MYO7B: variants seen among roughly 807,000 people sequenced by gnomAD.
The protein encoded by MYO7B is myosin VIIB, also known as unconventional myosin-VIIb.
A neutral mutation model predicts 259.7 loss-of-function variants in MYO7B; 212 were observed. The ratio of observed to expected loss-of-function variants is 0.82; its 90% CI spans 0.73 to 0.91. MYO7B has a LOEUF of 0.91. Among genes scored for constraint, MYO7B ranks in the 40% least tolerant of loss-of-function variants. The pLI, the probability that MYO7B is intolerant of heterozygous loss-of-function variation, is 0.00. For missense variants in MYO7B, 2,732 were observed against 2,813.5 expected (o/e 0.97, Z 0.66); for synonymous variants, 1,197 against 1,166.4 (o/e 1.03, Z -0.54).
chr2:127,630,639 G>A (rs1192471734), intron 35 of MYO7B, 139 bp from the exon 36 acceptor site: 6 of 1,162,588 alleles, frequency 5.2e-6, no homozygotes, highest in South Asian at 3.1e-5. Flanking sequence ...AGGTGACAGG[G>A]GTGTGGGTAA....
At position 127,607,351 on chromosome 2, in the gene MYO7B, G is replaced by A. The variant is rs1680196140; in HGVS notation, c.2570G>A (p.Arg857Lys). The change falls in exon 21 of 48, where the codon AGG becomes AAG. Residue 857 changes from arginine to lysine, a missense_variant. By Grantham distance (26) the Arg-to-Lys change is conservative (BLOSUM62 2). Around this residue, in one of 3 missense-constraint regions of MYO7B, gnomAD observed 1,906 missense variants for 2,026.4 expected, o/e 0.94. Transcript: ENST00000409816. The surrounding 1 kb of genome is among the most constrained non-coding windows in gnomAD (Gnocchi z 4.4). ...CGCCAGCAAGTCCAGGCCAAGAGGAGGGCAGTGGTGGTCATTCAGGCCCAT... is the reference window on the plus strand; with the variant it reads ...CGCCAGCAAGTCCAGGCCAAGAGGAAGGCAGTGGTGGTCATTCAGGCCCAT... The part of the protein sequence containing the change: ...LVRQQVQAKR[R>K]AVVVIQAHAR... 2 of 1,551,502 alleles carry A rather than the reference G, an allele frequency of 1.3e-6. No individual in the cohort carries two copies. Among genetic ancestry groups the A allele is most frequent in the East Asian group, 2.4e-5 (1 of 40,930 alleles).
chr2:127,634,708 G>A (rs747873299), intron 42 of MYO7B, 25 bp downstream of exon 42: 4 of 1,594,048 alleles, frequency 2.5e-6, no homozygotes, highest in South Asian at 1.1e-5. Flanking sequence ...GTGGAGCTGG[G>A]GGAGGGCGTG....
intron 1 of MYO7B, among the ~76,000 whole-genome samples, chr2:127,547,442 A>G (rs1249084116): frequency 6.6e-6 from 1 of 152,254 alleles, no homozygotes; most frequent in Non-Finnish European, 1.5e-5. Context: ...GATCAAGTAC[A>G]GACACACTGA....
At position 127,573,955 on chromosome 2, in the gene MYO7B, T is replaced by A. The variant is rs747218176; in HGVS notation, c.628T>A (p.Ser210Thr). The A allele has an allele frequency of 2.5e-6, 4 of 1,614,028 alleles. No homozygotes were observed. Among genetic ancestry groups the A allele is most frequent in the Non-Finnish European group, 3.4e-6 (4 of 1,179,894 alleles). ...GNAKTIRNDN[S>T]SRFGKYIDIY... ...TGCCAAGACAATCCGCAACGACAAC[T>A]CAAGCCGCTTTGGGAAGTACATTGA... Residue 210 changes from serine (S) to threonine (T), a missense_variant, in exon 7 of 48, where the codon TCA becomes ACA. Coordinates refer to ENST00000409816, the MANE Select transcript of MYO7B (RefSeq NM_001393586.1).
At chr2:127,545,904 A>G (rs1433167442) in intron 1 of MYO7B, among the ~76,000 whole-genome samples, 2 of 152,166 alleles carry the variant, frequency 1.3e-5, no homozygotes, top group African/African-American at 2.4e-5. Context: ...CTGGGGTCCA[A>G]CTGGGGCCCA....
In MYO7B at chr2:127,561,800, G is replaced by GCCCCAATACCTTGGA. The variant is rs1205464329; in HGVS notation, c.18+2062_18+2063insCCAATACCTTGGACC. ...GTCTGACTTCACTGGGGCTTGGACT[G>GCCCCAATACCTTGGA]CCATAACAAGGTATCACAGACTGGA... On this transcript the variant is annotated intron_variant, in intron 2 of 47. Transcript: ENST00000409816. Among the ~76,000 whole-genome samples the GCCCCAATACCTTGGA allele has an allele frequency of 1.1e-4, 16 of 152,336 alleles. No homozygotes were observed. In the South Asian group the frequency reaches 1.7e-3, roughly 16 times the overall value.
intron 1 of MYO7B, among the ~76,000 whole-genome samples, chr2:127,553,522 G>T (rs1488835316): frequency 1.3e-5 from 2 of 152,156 alleles, no homozygotes; most frequent in Non-Finnish European, 2.9e-5. Context: ...TGCAGCTATT[G>T]TAAAAGAAGT....
Position 127,559,104 on chromosome 2 carries a change from C to G in MYO7B, c.-23-596C>G, listed in dbSNP as rs1473215007. On this transcript the variant is annotated intron_variant, in intron 1 of 47. Transcript: ENST00000409816. The surrounding 1 kb of genome is among the most constrained non-coding windows in gnomAD (Gnocchi z 4.1). Reference sequence around the variant, plus strand: ...TCCTCCTTTAAATGGGACAAGTGGGCTCCTCCCCGCTCCTCCTCCTGCTGG... The same window carrying G: ...TCCTCCTTTAAATGGGACAAGTGGGGTCCTCCCCGCTCCTCCTCCTGCTGG... 6.6e-6 allele frequency among the ~76,000 whole-genome samples: 1 copy of G among 152,184 alleles called. No homozygotes were observed. Among genetic ancestry groups the G allele is most frequent in the African/African-American group, 2.4e-5 (1 of 41,440 alleles).
rs113724080 is a variant in MYO7B at position 127,597,880 on chromosome 2, C to T, written c.2339+1324C>T. 0.048 allele frequency among the ~76,000 whole-genome samples: 7,279 copies of T among 152,056 alleles called. 210 individuals carry two copies. The highest frequency in any genetic ancestry group is 0.067 in the Non-Finnish European group (4,554 of 67,972). On this transcript the variant is annotated intron_variant, in intron 19 of 47. Transcript: ENST00000409816. The surrounding 1 kb of genome is among the most constrained non-coding windows in gnomAD (Gnocchi z 4.8). ...CTCAAACTCCTGGCCTCAAGTGATC[C>T]GCCCGCCTCAGCCTCTCAAAGTGCT...
chr2:127,608,697 G>T lies in MYO7B; in HGVS notation c.2644-11G>T. 6.2e-7 allele frequency: 1 copy of T among 1,604,198 alleles called. No individual in the cohort carries two copies. The highest frequency in any genetic ancestry group is 8.5e-7 in the Non-Finnish European group (1 of 1,173,184). ...GGGCCCCTGGGTAACCTTCCTCCAC[G>T]GGGTATGCAGGCGCCGCTGGTCATC... is the stretch of plus-strand genomic sequence containing the variant. On this transcript the variant is annotated splice_polypyrimidine_tract_variant and intron_variant, in intron 21 of 47. Coordinates refer to ENST00000409816, the MANE Select transcript of MYO7B (RefSeq NM_001393586.1).
Position 127,600,557 on chromosome 2 carries a change from A to G in MYO7B, c.2339+4001A>G, listed in dbSNP as rs1679928301. 2.0e-5 allele frequency among the ~76,000 whole-genome samples: 3 copies of G among 152,156 alleles called. No homozygotes were observed. The South Asian group carries it at 6.2e-4, about 32-fold the overall frequency. On this transcript the variant is annotated intron_variant, in intron 19 of 47. Coordinates refer to ENST00000409816, the MANE Select transcript of MYO7B (RefSeq NM_001393586.1). The stretch of plus-strand genomic sequence containing the variant: ...AAACCCCGTCTCTACTAAAAATACA[A>G]AATTTAGCTGGGTATGGTGGCAGGC...
chr2:127,545,686 GT>G (rs1168422545), intron 1 of MYO7B, among the ~76,000 whole-genome samples: 1 of 152,210 alleles, frequency 6.6e-6, no homozygotes, highest in East Asian at 1.9e-4. Flanking sequence ...CCAAGGCTCA[GT>G]TTTTCCAAAT....
intron 1 of MYO7B, among the ~76,000 whole-genome samples, chr2:127,536,236 C>T (rs908471104): frequency 1.3e-5 from 2 of 152,172 alleles, no homozygotes; most frequent in Non-Finnish European, 1.5e-5. Flanking sequence ...TCAGCTGTGC[C>T]GTGTGTGACA....
Position 127,581,903 on chromosome 2 carries a change from G to C in MYO7B, c.1093G>C (p.Glu365Gln), listed in dbSNP as rs376347449. 1.9e-6 allele frequency: 3 copies of C among 1,613,674 alleles called. No individual in the cohort carries two copies. The highest frequency in any genetic ancestry group is 2.7e-5 in the African/African-American group (2 of 74,938). Residue 365 changes from glutamate (E) to glutamine (Q), a missense_variant, in exon 11 of 48, where the codon GAG becomes CAG. Transcript: ENST00000409816. ...VMKLLEVQHQ[E>Q]LRDCLIKHTI... ...CCTGCCTCCCCAGGTGCAGCACCAGGAGCTCCGGGACTGTCTGATCAAGCA... is the reference window on the plus strand; with the variant it reads ...CCTGCCTCCCCAGGTGCAGCACCAGCAGCTCCGGGACTGTCTGATCAAGCA...
intron 37 of MYO7B, 72 bp from the exon 38 acceptor site, chr2:127,631,528 C>A (rs1366129928): frequency 6.4e-7 from 1 of 1,558,596 alleles, no homozygotes; most frequent in East Asian, 2.3e-5. Flanking sequence ...GGGCCGGGGT[C>A]GGGGTCAGCG....
In MYO7B at chr2:127,630,844, C is replaced by T. The variant is rs758095076; in HGVS notation, c.4873C>T (p.Arg1625Cys). The stretch of plus-strand genomic sequence containing the variant: ...TCAGGAGGGGCAGTTCACAGAGCCA[C>T]GTCCTGAGGAGCCACCCAAGGAAAA... ...AAQEGQFTEPRPEEPPKEKLH... is the reference protein window; with the variant it reads ...AAQEGQFTEPCPEEPPKEKLH... The change falls in exon 36 of 48, where the codon CGT (arginine) becomes TGT (cysteine). Residue 1625 changes from arginine to cysteine, a missense_variant. Physicochemically the swap from Arg to Cys is radical, Grantham distance 180. Transcript: ENST00000409816. The T allele has an allele frequency of 9.6e-5, 155 of 1,612,562 alleles. No homozygotes were observed. In the Admixed American group the frequency reaches 1.4e-3, roughly 15 times the overall value.
rs1473378344 is a variant in MYO7B at position 127,612,505 on chromosome 2, G to C, written c.3300G>C (p.Glu1100Asp). The C allele has an allele frequency of 2.9e-5, 45 of 1,561,526 alleles. No individual in the cohort carries two copies. Among genetic ancestry groups the C allele is most frequent in the Non-Finnish European group, 3.9e-5 (45 of 1,152,710 alleles). Residue 1100 changes from glutamate to aspartate, a missense_variant, in exon 26 of 48, where the codon GAG (glutamate) becomes GAC (aspartate). Around this residue, in one of 3 missense-constraint regions of MYO7B, gnomAD observed 1,906 missense variants for 2,026.4 expected, o/e 0.94. Transcript: ENST00000409816. ...CCAGCCAGCTGAACATTGGAGAGGA[G>C]GCATTGGAGCCTGATGGCCTTGGTG... is the stretch of plus-strand genomic sequence containing the variant. ...QVASQLNIGE[E>D]ALEPDGLGAD...
rs1207437279 is a variant in MYO7B at position 127,576,910 on chromosome 2, T to C, written c.849+202T>C. 6.6e-6 allele frequency among the ~76,000 whole-genome samples: 1 copy of C among 152,052 alleles called. No individual in the cohort carries two copies. The highest frequency in any genetic ancestry group is 2.1e-4 in the South Asian group (1 of 4,828). ...GCGTGCCTCCCGCTTCCCCGTCACA[T>C]GTACCCCATGCCCCAGGCTGGACCC... On this transcript the variant is annotated intron_variant, in intron 8 of 47. Coordinates refer to ENST00000409816, the MANE Select transcript of MYO7B (RefSeq NM_001393586.1). This position sits in a 1 kb window ranked among gnomAD's most constrained non-coding sequence, Gnocchi z 4.9.
chr2:127,552,056 G>T (rs6713317), intron 1 of MYO7B, among the ~76,000 whole-genome samples: 1 of 152,092 alleles, frequency 6.6e-6, no homozygotes, highest in Non-Finnish European at 1.5e-5. Flanking sequence ...CACAGTATTC[G>T]CAGGAGGGTG....
Sources: allele counts gnomAD v4.1 joint callset (sites outside exome capture counted in the v4.1 genomes callset), GRCh38; gene constraint gnomAD v4.1.1; regional missense constraint gnomAD v4.1.1; non-coding constraint Gnocchi (gnomAD v3.1); transcripts MANE v1.5; gene names NCBI Gene and HGNC (gene_info 2026-07-23, HGNC 2026-07-21).